Variants in EPHA3 observed in about 807,000 individuals in gnomAD.
EPHA3 encodes the protein EPH receptor A3, also known as ephrin type-A receptor 3.
EPHA3 carries 42 observed loss-of-function variants against 107.1 expected under a neutral mutation model. The observed-to-expected ratio is 0.39, with a 90% CI of 0.31 to 0.51. The LOEUF (loss-of-function observed/expected upper bound fraction) is 0.51, where lower values mean the gene tolerates loss of function less well. EPHA3 is among the 20% of genes least tolerant of loss of function. EPHA3 has a pLI of 0.78. For missense variants in EPHA3, 1,183 were observed against 1,211.2 expected (o/e 0.98, Z 0.35); for synonymous variants, 461 against 424.8 (o/e 1.09, Z -1.05).
chr3:89,297,689 C>T (rs1706389861), intron 3 of EPHA3, among the ~76,000 whole-genome samples: 1 of 152,078 alleles, frequency 6.6e-6, no homozygotes, highest in Admixed American at 6.6e-5. Flanking sequence ...TTGCCACAAA[C>T]CTTTGGTTTG....
chr3:89,203,410 G>A (rs1334246286), intron 2 of EPHA3, among the ~76,000 whole-genome samples: 2 of 151,770 alleles, frequency 1.3e-5, no homozygotes, highest in Non-Finnish European at 1.5e-5. Context: ...TTTGTCCAAA[G>A]GTGCGGTATC....
At chr3:89,318,774 T>A (rs1706971606) in intron 3 of EPHA3, among the ~76,000 whole-genome samples, 1 of 151,912 alleles carries the variant, frequency 6.6e-6, no homozygotes. Context: ...GTAGAGTAAA[T>A]CACAAGACTT....
chr3:89,149,055 C>T (rs1368030993), intron 2 of EPHA3, among the ~76,000 whole-genome samples: 2 of 151,796 alleles, frequency 1.3e-5, no homozygotes, highest in African/African-American at 2.4e-5. Context: ...TATAGTTCTT[C>T]AAAAGAGACA....
At chr3:89,295,399 G>A (rs940013046) in intron 3 of EPHA3, among the ~76,000 whole-genome samples, 15 of 149,504 alleles carry the variant, frequency 1.0e-4, no homozygotes, top group Admixed American at 4.0e-4. Context: ...TTCAGCTGTG[G>A]CAATTTCTCA....
chr3:89,375,098 A>G (rs1708377809), intron 5 of EPHA3, among the ~76,000 whole-genome samples: 1 of 151,766 alleles, frequency 6.6e-6, no homozygotes, highest in Non-Finnish European at 1.5e-5. Flanking sequence ...CTGTGTATTC[A>G]TATGCTTGTA....
intron 3 of EPHA3, among the ~76,000 whole-genome samples, chr3:89,263,444 A>G (rs1338521182): frequency 1.3e-5 from 2 of 152,162 alleles, no homozygotes; most frequent in Non-Finnish European, 2.9e-5. Context: ...TCCATGAAAA[A>G]TGAGGTTGCA....
At chr3:89,347,742 G>T (rs1056580802) in intron 5 of EPHA3, among the ~76,000 whole-genome samples, 12 of 150,206 alleles carry the variant, frequency 8.0e-5, no homozygotes, top group Non-Finnish European at 1.8e-4. Context: ...TATGATATTG[G>T]CTGTGGGTTT....
At chr3:89,173,995 A>G (rs1437770594) in intron 2 of EPHA3, among the ~76,000 whole-genome samples, 1 of 152,040 alleles carries the variant, frequency 6.6e-6, no homozygotes, top group Non-Finnish European at 1.5e-5. Flanking sequence ...TGGGACATAT[A>G]TTTTGGGAAA....
At chr3:89,316,593 G>A (rs181572694) in intron 3 of EPHA3, among the ~76,000 whole-genome samples, 128 of 142,550 alleles carry the variant, frequency 9.0e-4, no homozygotes, top group African/African-American at 2.9e-3. Flanking sequence ...TAATCACAAA[G>A]CACTTCTCTT....
chr3:89,333,644 C>T (rs994030104), intron 3 of EPHA3, among the ~76,000 whole-genome samples: 3 of 152,002 alleles, frequency 2.0e-5, no homozygotes, highest in Non-Finnish European at 4.4e-5. Flanking sequence ...GAGGTTGAGG[C>T]GGGGAGATCA....
intron 3 of EPHA3, among the ~76,000 whole-genome samples, chr3:89,258,570 TAAAAC>T (rs1319622295): frequency 6.6e-6 from 1 of 152,012 alleles, no homozygotes; most frequent in African/African-American, 2.4e-5. Context: ...TATGGAAAAA[TAAAAC>T]AAATCAAGTA....
intron 2 of EPHA3, among the ~76,000 whole-genome samples, chr3:89,135,411 C>T (rs1704289805): frequency 6.6e-6 from 1 of 152,126 alleles, no homozygotes; most frequent in Admixed American, 6.6e-5. Context: ...TCTCCCTTAA[C>T]TCTCAGCATT....
chr3:89,244,044 C>G (rs1704974128), intron 3 of EPHA3, among the ~76,000 whole-genome samples: 1 of 152,018 alleles, frequency 6.6e-6, no homozygotes, highest in African/African-American at 2.4e-5. Flanking sequence ...GGTGCTGTGA[C>G]TTGTCTTAGG....
chr3:89,468,992 A>G (rs1419426372), intron 15 of EPHA3, among the ~76,000 whole-genome samples: 1 of 152,198 alleles, frequency 6.6e-6, no homozygotes, highest in Non-Finnish European at 1.5e-5. Context: ...AAGATAACTT[A>G]TGAAATGTTA....
intron 2 of EPHA3, among the ~76,000 whole-genome samples, chr3:89,137,909 C>T (rs1275893763): frequency 6.6e-6 from 1 of 151,878 alleles, no homozygotes; most frequent in Non-Finnish European, 1.5e-5. Flanking sequence ...GTTAGAAATG[C>T]AAAATTCTGG....
chr3:89,230,527 A>G (rs1037370512), intron 3 of EPHA3, among the ~76,000 whole-genome samples: 4 of 152,078 alleles, frequency 2.6e-5, no homozygotes, highest in African/African-American at 9.7e-5. Context: ...AAACTTATGG[A>G]TGAACACTAT....
At chr3:89,448,758 C>T (rs1008051885) in intron 13 of EPHA3, among the ~76,000 whole-genome samples, 1 of 151,980 alleles carries the variant, frequency 6.6e-6, no homozygotes. Flanking sequence ...CCTGTAAGTA[C>T]TTATGTGCCA....
At chr3:89,411,165 C>A (rs888038885) in intron 9 of EPHA3, among the ~76,000 whole-genome samples, 33 of 146,964 alleles carry the variant, frequency 2.2e-4, no homozygotes, top group African/African-American at 7.7e-4. Flanking sequence ...AATAGTATAG[C>A]TTTTTTTTTT....
At chr3:89,243,487 G>A (rs1704957430) in intron 3 of EPHA3, among the ~76,000 whole-genome samples, 1 of 152,118 alleles carries the variant, frequency 6.6e-6, no homozygotes, top group African/African-American at 2.4e-5. Context: ...GTTTTGATTT[G>A]CATTTCTCTG....
Sources: gnomAD v4.1 joint callset for allele counts (sites outside exome capture counted in the v4.1 genomes callset) on GRCh38, gnomAD v4.1.1 for gene constraint, MANE v1.5 for transcripts, NCBI Gene and HGNC (gene_info 2026-07-23, HGNC 2026-07-21) for gene names.